STARD9: variants seen among roughly 807,000 people sequenced by gnomAD.
STARD9 encodes StAR related lipid transfer domain containing 9.
STARD9 carries 346 observed loss-of-function variants against 399.8 expected under a neutral mutation model. That is an observed-to-expected ratio of 0.87 (90% CI 0.79 to 0.95). The LOEUF is 0.95. STARD9 is among the 40% of genes least tolerant of loss of function. The pLI, the probability that STARD9 is intolerant of heterozygous loss-of-function variation, is 0.00. For missense variants in STARD9, 5,832 were observed against 5,667.5 expected, an observed-to-expected ratio of 1.03 and a Z score of -0.93; for synonymous variants, 2,203 against 2,143.5, an observed-to-expected ratio of 1.03 and a Z score of -0.77.
At chr15:42,706,862 G>C (rs2061098985) in intron 26 of STARD9, among the ~76,000 whole-genome samples, 1 of 152,098 alleles carries the variant, frequency 6.6e-6, no homozygotes, top group Non-Finnish European at 1.5e-5. Context: ...AGAGTCTTTG[G>C]AGATGATTTC....
At chr15:42,699,645 G>A (rs2060923442) in intron 26 of STARD9, among the ~76,000 whole-genome samples, 1 of 151,532 alleles carries the variant, frequency 6.6e-6, no homozygotes, top group South Asian at 2.1e-4. Context: ...TGCCCGCCTT[G>A]GCCTCCCAAA....
At chr15:42,614,930 A>C (rs1201330605) in intron 3 of STARD9, among the ~76,000 whole-genome samples, 1 of 151,376 alleles carries the variant, frequency 6.6e-6, no homozygotes, top group Non-Finnish European at 1.5e-5. Flanking sequence ...GTGTCACTGC[A>C]CTCCAGCCTA....
chr15:42,687,781 A>T lies in STARD9; in HGVS notation c.6203A>T (p.Gln2068Leu). 2.6e-6 allele frequency: 4 copies of T among 1,537,524 alleles called. No individual in the cohort carries two copies. Among genetic ancestry groups the T allele is most frequent in the Non-Finnish European group, 3.5e-6 (4 of 1,146,994 alleles). Residue 2068 changes from glutamine (Q) to leucine (L), a missense_variant, in exon 23 of 33, where the codon CAG becomes CTG. Physicochemically the swap from Gln to Leu is moderately radical, Grantham distance 113. Around this residue, in one of 2 missense-constraint regions of STARD9, gnomAD observed 5,828 missense variants for 5,651.1 expected, o/e 1.03. Coordinates refer to ENST00000290607, the MANE Select transcript of STARD9 (RefSeq NM_020759.3). ...GGCATCTTAGAAATTGAATCTAAGC[A>T]GAATAAGCAGGTTCATGCTTCCCAC... Reference protein sequence around the residue: ...ENGILEIESKQNKQVHASHTP... With the variant: ...ENGILEIESKLNKQVHASHTP...
intron 18 of STARD9, 129 bp downstream of exon 18, chr15:42,675,093 A>G: frequency 9.9e-7 from 1 of 1,011,610 alleles, no homozygotes; most frequent in Non-Finnish European, 1.3e-6. Context: ...TGAAGTCTGA[A>G]GATTTTCTAA....
At position 42,685,748 on chromosome 15, in the gene STARD9, G is replaced by C. The variant is rs780388049; in HGVS notation, c.4170G>C (p.Thr1390=). The C allele has an allele frequency of 6.5e-7, 1 of 1,537,414 alleles. No homozygotes were observed. Among genetic ancestry groups the C allele is most frequent in the East Asian group, 2.4e-5 (1 of 40,924 alleles). Residue 1390 remains threonine, a synonymous_variant, in exon 23 of 33, where the codon ACG becomes ACC. Coordinates refer to ENST00000290607, the MANE Select transcript of STARD9 (RefSeq NM_020759.3). The part of the protein sequence containing the change: ...TEELKPSDAE[T]VLPYSSKLHQ... Reference sequence around the variant, plus strand: ...AACTAAAGCCATCAGATGCAGAAACGGTTCTGCCATATAGCTCCAAACTGC... The same window carrying C: ...AACTAAAGCCATCAGATGCAGAAACCGTTCTGCCATATAGCTCCAAACTGC...
intron 3 of STARD9, among the ~76,000 whole-genome samples, chr15:42,626,635 G>A (rs1357216615): frequency 6.6e-6 from 1 of 151,614 alleles, no homozygotes; most frequent in South Asian, 2.1e-4. Context: ...TGAGTAGCTG[G>A]GATTACAGGC....
chr15:42,677,310 G>T (rs916830772), intron 20 of STARD9, among the ~76,000 whole-genome samples: 1 of 152,188 alleles, frequency 6.6e-6, no homozygotes, highest in African/African-American at 2.4e-5. Flanking sequence ...AGCATGAACA[G>T]CAGGCAAGTC....
intron 29 of STARD9, 51 bp from the exon 30 acceptor site, chr15:42,717,926 G>C: frequency 6.6e-7 from 1 of 1,523,580 alleles, no homozygotes; most frequent in South Asian, 1.2e-5. Context: ...GTGACCCTTA[G>C]AGCCCATTTT....
intron 26 of STARD9, among the ~76,000 whole-genome samples, chr15:42,701,895 G>C (rs991966537): frequency 9.3e-5 from 14 of 150,326 alleles, no homozygotes; most frequent in Admixed American, 6.0e-4. Context: ...CTGGGAGGCT[G>C]AGGCAGGAGA....
intron 26 of STARD9, among the ~76,000 whole-genome samples, chr15:42,698,909 C>T (rs1388143472): frequency 6.6e-6 from 1 of 151,944 alleles, no homozygotes; most frequent in Non-Finnish European, 1.5e-5. Flanking sequence ...TAAGGGGTCC[C>T]CTTTCCTTAT....
intron 3 of STARD9, among the ~76,000 whole-genome samples, chr15:42,589,512 T>G (rs933984269): frequency 1.3e-5 from 2 of 152,238 alleles, no homozygotes; most frequent in Non-Finnish European, 2.9e-5. Context: ...CCCTACAGTT[T>G]TATCAGTTCC....
In STARD9 at chr15:42,674,576, G is replaced by A. The variant is rs2060271148; in HGVS notation, c.1549+85G>A. On this transcript the variant is annotated intron_variant, in intron 17 of 32. Coordinates refer to ENST00000290607, the MANE Select transcript of STARD9 (RefSeq NM_020759.3). ...TCTTCGAGGACTTTGATGATGCTCT[G>A]AGAAGAAGGGAATCATTGGCGTATT... 5 of 1,323,320 alleles carry A rather than the reference G, an allele frequency of 3.8e-6. No individual in the cohort carries two copies. In the South Asian group the frequency reaches 6.4e-5, roughly 17 times the overall value. The allele number at this position is 1,323,320 out of a possible 1,614,324, so 82.0% of individuals were successfully genotyped here.
At chr15:42,708,968 C>T (rs143572238) in intron 26 of STARD9, among the ~76,000 whole-genome samples, 142 of 152,104 alleles carry the variant, frequency 9.3e-4, no homozygotes, top group African/African-American at 3.3e-3. Context: ...ATGTCTCATG[C>T]AATACCTTAT....
In STARD9 at chr15:42,694,291, CGCTT is replaced by C. The variant is rs1566951959; in HGVS notation, c.12717_12720del (p.Ala4240LeufsTer5). ...GTGCTGCAGAGTGGGACAGGGGAGG[CGCTT>C]GCTGCTGATGAACCTGTGACATCCA... On this transcript the variant is annotated frameshift_variant, in exon 23 of 33. Coordinates refer to ENST00000290607, the MANE Select transcript of STARD9 (RefSeq NM_020759.3). LOFTEE classifies it high-confidence loss of function. 16 of 1,517,262 alleles carry C rather than the reference CGCTT, an allele frequency of 1.1e-5. No individual in the cohort carries two copies. In the South Asian group the frequency reaches 1.9e-4, roughly 18 times the overall value. 94.0% of individuals were successfully genotyped at this position (1,517,262 alleles called of 1,614,324 possible).
Position 42,718,085 on chromosome 15 carries a change from G to T in STARD9, c.13668G>T (p.Trp4556Cys). 2.0e-6 allele frequency: 3 copies of T among 1,537,234 alleles called. No individual in the cohort carries two copies. The East Asian group carries it at 7.3e-5, about 38-fold the overall frequency. The change falls in exon 30 of 33, where the codon TGG (tryptophan) becomes TGT (cysteine). Residue 4556 changes from tryptophan (W) to cysteine (C), a missense_variant. Around this residue, in one of 2 missense-constraint regions of STARD9, gnomAD observed 5,828 missense variants for 5,651.1 expected, o/e 1.03. Transcript: ENST00000290607. ...TGTCCCAGCCGCTGTCTCGTGTGTGGGCGGCTGTCAGTGACCCCACTGTGT... is the reference window on the plus strand; with the variant it reads ...TGTCCCAGCCGCTGTCTCGTGTGTGTGCGGCTGTCAGTGACCCCACTGTGT... ...GVVSQPLSRV[W>C]AAVSDPTVWP... is the part of the protein sequence containing the mutation.
At chr15:42,717,949 A>G (rs1222620828) in intron 29 of STARD9, 28 bp from the exon 30 acceptor site, 18 of 1,534,752 alleles carry the variant, frequency 1.2e-5, no homozygotes, top group Non-Finnish European at 1.6e-5. Context: ...ACCCCTTTCT[A>G]TTTTCTGTGC....
chr15:42,684,387 G>A lies in STARD9; in HGVS notation c.2809G>A (p.Gly937Arg), dbSNP rs1386608015. 2.0e-6 allele frequency: 3 copies of A among 1,537,094 alleles called. No individual in the cohort carries two copies. Among genetic ancestry groups the A allele is most frequent in the Non-Finnish European group, 2.6e-6 (3 of 1,146,876 alleles). ...NSVGIQEMEM[G>R]VKQPHQMVSQ... ...TGTTGGCATCCAGGAAATGGAGATG[G>A]GGGTTAAGCAGCCCCATCAGATGGT... Residue 937 changes from glycine to arginine, a missense_variant, in exon 23 of 33, where the codon GGG becomes AGG. Transcript: ENST00000290607.
intron 7 of STARD9, among the ~76,000 whole-genome samples, chr15:42,648,407 C>G (rs1252335391): frequency 6.6e-6 from 1 of 152,226 alleles, no homozygotes; most frequent in Non-Finnish European, 1.5e-5. Context: ...AAGTAATCCA[C>G]TGGCCTCGGC....
At position 42,707,919 on chromosome 15, in the gene STARD9, A is replaced by G. The variant is rs140243268; in HGVS notation, c.13285-8758A>G. 8.5e-3 allele frequency among the ~76,000 whole-genome samples: 1,288 copies of G among 151,638 alleles called. 20 individuals carry two copies. The highest frequency in any genetic ancestry group is 0.058 in the East Asian group (298 of 5,148). On this transcript the variant is annotated intron_variant, in intron 26 of 32. Coordinates refer to ENST00000290607, the MANE Select transcript of STARD9 (RefSeq NM_020759.3). ...CCAGACACGGTGGCTCACATCTGTA[A>G]TCTCAGCACTTTGGGAGGCTGAGGC...
Sources: allele counts gnomAD v4.1 joint callset (sites outside exome capture counted in the v4.1 genomes callset), GRCh38; gene constraint gnomAD v4.1.1; regional missense constraint gnomAD v4.1.1; transcripts MANE v1.5; gene names NCBI Gene and HGNC (gene_info 2026-07-23, HGNC 2026-07-21).